PAX5: variants seen among roughly 807,000 people sequenced by gnomAD.
PAX5 encodes paired box 5, also known as paired box protein Pax-5.
PAX5 carries 9 observed loss-of-function variants against 43.7 expected under a neutral mutation model. The observed-to-expected ratio is 0.21, with a 90% CI of 0.12 to 0.36. The LOEUF is 0.36. Ranked by LOEUF, PAX5 falls within the 10% of genes least tolerant of loss-of-function variation. The pLI is 1.00. For synonymous variants in PAX5, 228 were observed against 214.3 expected (o/e 1.06, Z -0.56); for missense variants, 383 against 532.7 (o/e 0.72, Z 2.77).
intron 4 of PAX5, among the ~76,000 whole-genome samples, chr9:37,003,167 A>AC (rs1838075437): frequency 6.6e-6 from 1 of 150,402 alleles, no homozygotes; most frequent in South Asian, 2.1e-4. Context: ...AAAAAAAAAA[A>AC]AAAAAAAAAA....
At chr9:36,972,166 G>T (rs576152843) in intron 5 of PAX5, among the ~76,000 whole-genome samples, 7 of 152,224 alleles carry the variant, frequency 4.6e-5, no homozygotes, top group African/African-American at 7.2e-5. Flanking sequence ...GAGCCGCCAG[G>T]TCAGCCTCCA....
chr9:37,029,404 A>T (rs1166850168), intron 1 of PAX5, among the ~76,000 whole-genome samples: 1 of 152,160 alleles, frequency 6.6e-6, no homozygotes, highest in Non-Finnish European at 1.5e-5. Flanking sequence ...ACCAGGGCAC[A>T]GCTGCGGAAA....
chr9:37,002,006 C>T (rs1322049751), intron 5 of PAX5, among the ~76,000 whole-genome samples: 2 of 151,918 alleles, frequency 1.3e-5, no homozygotes, highest in South Asian at 2.1e-4. Flanking sequence ...AGGGCCAGGC[C>T]CGTGGAGGGG....
intron 3 of PAX5, among the ~76,000 whole-genome samples, chr9:37,009,556 G>T (rs3013736): frequency 0.53 from 81,205 of 151,862 alleles, 22,167 homozygotes; most frequent in Middle Eastern, 0.76. Flanking sequence ...GGCGGTGGGG[G>T]AGTAAAGATG....
intron 8 of PAX5, among the ~76,000 whole-genome samples, chr9:36,857,815 C>A (rs567873348): frequency 9.2e-5 from 14 of 152,362 alleles, no homozygotes; most frequent in Non-Finnish European, 1.8e-4. Context: ...TTGCTTTCAA[C>A]TCCCCAACAA....
intron 7 of PAX5, among the ~76,000 whole-genome samples, chr9:36,894,860 C>G (rs1458972265): frequency 6.6e-6 from 1 of 152,240 alleles, no homozygotes; most frequent in East Asian, 1.9e-4. Context: ...TGGCTCCCCA[C>G]TGCTTACACA....
intron 4 of PAX5, among the ~76,000 whole-genome samples, chr9:37,005,200 C>T (rs1838289259): frequency 6.6e-6 from 1 of 152,346 alleles, no homozygotes; most frequent in Admixed American, 6.5e-5. Context: ...TGGTTCCTTT[C>T]CTTCTGCCCC....
At chr9:37,024,402 A>G (rs1564089041) in intron 1 of PAX5, among the ~76,000 whole-genome samples, 1 of 152,182 alleles carries the variant, frequency 6.6e-6, no homozygotes, top group Admixed American at 6.5e-5. Flanking sequence ...GAGCGGTAAC[A>G]GGAAGAAGAA....
At chr9:36,868,384 C>T (rs968300701) in intron 8 of PAX5, among the ~76,000 whole-genome samples, 8 of 152,242 alleles carry the variant, frequency 5.3e-5, no homozygotes, top group South Asian at 4.1e-4. Flanking sequence ...TGACCTCAGA[C>T]GCAGCCAGGA....
At chr9:36,992,110 C>T (rs1328099002) in intron 5 of PAX5, among the ~76,000 whole-genome samples, 3 of 148,214 alleles carry the variant, frequency 2.0e-5, no homozygotes, top group Non-Finnish European at 4.5e-5. Flanking sequence ...CGGGCACACA[C>T]ACACCTCGCC....
At chr9:36,885,097 T>A (rs1281269754) in intron 7 of PAX5, among the ~76,000 whole-genome samples, 4 of 152,240 alleles carry the variant, frequency 2.6e-5, no homozygotes, top group Non-Finnish European at 5.9e-5. Context: ...CCTGGGTTGT[T>A]CCTTGCAAGG....
intron 6 of PAX5, among the ~76,000 whole-genome samples, chr9:36,939,378 T>C (rs1334705383): frequency 2.6e-5 from 4 of 152,278 alleles, no homozygotes; most frequent in Middle Eastern, 6.8e-3. Context: ...GACCCATTTT[T>C]AACCCAAACC....
chr9:37,025,905 T>C (rs139252015), intron 1 of PAX5, among the ~76,000 whole-genome samples: 172 of 152,294 alleles, frequency 1.1e-3, no homozygotes, highest in Non-Finnish European at 1.8e-3. Flanking sequence ...AAGGACCCAA[T>C]GGGGTCTTTA....
chr9:36,936,988 G>A (rs925045766), intron 6 of PAX5, among the ~76,000 whole-genome samples: 7 of 152,120 alleles, frequency 4.6e-5, no homozygotes, highest in Non-Finnish European at 1.0e-4. Context: ...GTGCCCTCTG[G>A]GTCACCAAGG....
chr9:36,897,489 AAC>A (rs1169953657), intron 7 of PAX5, among the ~76,000 whole-genome samples: 3 of 151,974 alleles, frequency 2.0e-5, no homozygotes, highest in African/African-American at 7.3e-5. Context: ...GGTTTCTTCA[AAC>A]ACACACACAC....
At chr9:36,880,541 CTATT>C (rs1373639392) in intron 8 of PAX5, among the ~76,000 whole-genome samples, 4 of 152,206 alleles carry the variant, frequency 2.6e-5, no homozygotes, top group Admixed American at 6.5e-5. Flanking sequence ...GCTCCCTTAT[CTATT>C]TATTTATTAC....
intron 8 of PAX5, among the ~76,000 whole-genome samples, chr9:36,847,495 G>T (rs1401959039): frequency 6.6e-6 from 1 of 152,210 alleles, no homozygotes; most frequent in African/African-American, 2.4e-5. Context: ...TCGTCAGGGA[G>T]ATGAGACATA....
At position 36,879,265 on chromosome 9, in the gene PAX5, T is replaced by C. The variant is rs536787517; in HGVS notation, c.1012+2739A>G. On this transcript the variant is annotated intron_variant, in intron 8 of 9. Transcript: ENST00000358127. ...AGGCTCTGCCAGGCCTGCAGCCATC[T>C]GTGTCTTGAGCCTGGTAATTAGGGC... Among the ~76,000 whole-genome samples the C allele has an allele frequency of 1.6e-4, 24 of 152,352 alleles. 1 individual carries two copies. The East Asian group carries it at 4.4e-3, about 28-fold the overall frequency.
intron 8 of PAX5, among the ~76,000 whole-genome samples, chr9:36,880,009 C>A (rs544843859): frequency 1.3e-5 from 2 of 152,206 alleles, no homozygotes; most frequent in African/African-American, 2.4e-5. Flanking sequence ...ACACGGAGGC[C>A]GTTTCCCATG....
Sources: gnomAD v4.1 joint callset for allele counts (sites outside exome capture counted in the v4.1 genomes callset) on GRCh38, gnomAD v4.1.1 for gene constraint, MANE v1.5 for transcripts, NCBI Gene and HGNC (gene_info 2026-07-23, HGNC 2026-07-21) for gene names.